FRAS1: variants seen among roughly 807,000 people sequenced by gnomAD.
FRAS1 encodes extracellular matrix organizing protein FRAS1.
Under a neutral mutation model 435.2 loss-of-function variants are expected in FRAS1, and 290 were observed. The ratio of observed to expected loss-of-function variants is 0.67; its 90% CI spans 0.61 to 0.73. The LOEUF is 0.73. Ranked by LOEUF, FRAS1 falls within the 30% of genes least tolerant of loss-of-function variation. The pLI is 0.00. For missense variants in FRAS1, 4,860 were observed against 5,001.5 expected, an observed-to-expected ratio of 0.97 and a Z score of 0.85; for synonymous variants, 1,800 against 1,851.0, an observed-to-expected ratio of 0.97 and a Z score of 0.71.
chr4:78,272,693 T>C (rs922995780), intron 9 of FRAS1, among the ~76,000 whole-genome samples: 5 of 152,154 alleles, frequency 3.3e-5, no homozygotes, highest in African/African-American at 1.2e-4. Context: ...GTACCAGTAC[T>C]ATGCTGTTTT....
At chr4:78,260,499 CTGTT>C (rs1486465184) in intron 6 of FRAS1, among the ~76,000 whole-genome samples, 1 of 151,732 alleles carries the variant, frequency 6.6e-6, no homozygotes, top group African/African-American at 2.4e-5. Flanking sequence ...ATTTGGCTCT[CTGTT>C]TGTCTGTTGT....
intron 2 of FRAS1, among the ~76,000 whole-genome samples, chr4:78,154,103 G>GTT (rs917506732): frequency 6.7e-6 from 1 of 149,404 alleles, no homozygotes; most frequent in Non-Finnish European, 1.5e-5. Flanking sequence ...GTAATTTATA[G>GTT]TTTTTTTTTT....
At chr4:78,206,935 T>G (rs1723284986) in intron 2 of FRAS1, among the ~76,000 whole-genome samples, 1 of 152,230 alleles carries the variant, frequency 6.6e-6, no homozygotes. Flanking sequence ...CAGGTGATTG[T>G]GACCTTTCTG....
intron 10 of FRAS1, among the ~76,000 whole-genome samples, chr4:78,279,949 G>A (rs1292362499): frequency 6.6e-6 from 1 of 152,008 alleles, no homozygotes; most frequent in Non-Finnish European, 1.5e-5. Flanking sequence ...GTTTTCCACC[G>A]ACACAGTTAA....
intron 35 of FRAS1, among the ~76,000 whole-genome samples, chr4:78,427,745 T>G (rs779068929): frequency 1.3e-5 from 2 of 152,258 alleles, no homozygotes; most frequent in Non-Finnish European, 2.9e-5. Flanking sequence ...GGGCTGTTTC[T>G]GAACATCTCC....
At chr4:78,412,467 G>C (rs1320221498) in intron 31 of FRAS1, among the ~76,000 whole-genome samples, 2 of 152,148 alleles carry the variant, frequency 1.3e-5, no homozygotes, top group Non-Finnish European at 2.9e-5. Context: ...ATGAGGCTGA[G>C]ATTTATTACT....
intron 58 of FRAS1, among the ~76,000 whole-genome samples, chr4:78,487,270 A>G (rs1415539526): frequency 6.6e-6 from 1 of 152,240 alleles, no homozygotes; most frequent in Non-Finnish European, 1.5e-5. Flanking sequence ...AGTAATGATT[A>G]GTAACTATTA....
intron 2 of FRAS1, among the ~76,000 whole-genome samples, chr4:78,158,018 C>T (rs1168527936): frequency 2.0e-5 from 3 of 152,058 alleles, no homozygotes; most frequent in African/African-American, 7.2e-5. Flanking sequence ...CTGTTTGGTT[C>T]CACTGATCTA....
At chr4:78,483,768 C>CTA (rs1491536432) in intron 58 of FRAS1, among the ~76,000 whole-genome samples, 473 of 6,494 alleles carry the variant, frequency 0.073, 31 homozygotes, top group Middle Eastern at 0.17. Context: ...AAAAAAAAAA[C>CTA]TCTCTCTCTC....
intron 35 of FRAS1, among the ~76,000 whole-genome samples, chr4:78,424,711 G>T (rs150403669): frequency 8.2e-4 from 125 of 152,148 alleles, no homozygotes; most frequent in African/African-American, 2.8e-3. Context: ...GAAGGCTGAT[G>T]GGGGAGCATC....
intron 26 of FRAS1, 60 bp from the exon 27 acceptor site, chr4:78,379,666 A>G: frequency 6.6e-7 from 1 of 1,511,088 alleles, no homozygotes; most frequent in South Asian, 1.2e-5. Context: ...AAATAAGGGG[A>G]AAGTGACCTA....
intron 18 of FRAS1, among the ~76,000 whole-genome samples, chr4:78,323,930 G>C (rs1729612896): frequency 6.6e-6 from 1 of 151,942 alleles, no homozygotes; most frequent in Non-Finnish European, 1.5e-5. Flanking sequence ...GACTCTCCTG[G>C]GAATCTTGTT....
chr4:78,295,412 A>G lies in FRAS1; in HGVS notation c.1534+8873A>G, dbSNP rs551237204. 1.2e-4 allele frequency among the ~76,000 whole-genome samples: 18 copies of G among 152,376 alleles called. No individual in the cohort carries two copies. In the South Asian group the frequency reaches 3.1e-3, roughly 26 times the overall value. On this transcript the variant is annotated intron_variant, in intron 14 of 73. Transcript: ENST00000512123. ...GCCAGCACTCTTGTCAACACTAGGT[A>G]TTACAAGCCTTCTTAAATTGTCAAT...
At chr4:78,137,751 G>A (rs933438691) in intron 2 of FRAS1, among the ~76,000 whole-genome samples, 2 of 152,304 alleles carry the variant, frequency 1.3e-5, no homozygotes, top group South Asian at 2.1e-4. Context: ...TTAATAGTAC[G>A]TGCTTTGGAG....
At chr4:78,445,826 A>G in intron 42 of FRAS1, 114 bp downstream of exon 42, 1 of 1,421,934 alleles carries the variant, frequency 7.0e-7, no homozygotes, top group Non-Finnish European at 9.2e-7. Context: ...GACCTTCAAA[A>G]TTGAAGGTCG....
At chr4:78,481,108 A>G (rs939673513) in intron 56 of FRAS1, among the ~76,000 whole-genome samples, 2 of 152,232 alleles carry the variant, frequency 1.3e-5, no homozygotes, top group African/African-American at 4.8e-5. Flanking sequence ...TGCATCTCAC[A>G]GCATGTTGGC....
chr4:78,479,692 CG>C lies in FRAS1; in HGVS notation c.8419del (p.Ala2807LeufsTer11). ...GCCTCGACTGTGTCCCTGGGCAACA[CG>C]GCTTTCACTGTCAGTGAGGACGCAG... The part of the protein sequence containing the change: ...NDASTVSLGN[T>X]AFTVSEDAGT... On this transcript the variant is annotated frameshift_variant, in exon 56 of 74. Transcript: ENST00000512123. LOFTEE classifies it high-confidence loss of function. 6.3e-7 allele frequency: 1 copy of C among 1,596,716 alleles called. No homozygotes were observed. Among genetic ancestry groups the C allele is most frequent in the East Asian group, 2.2e-5 (1 of 44,526 alleles).
chr4:78,475,657 G>A, intron 54 of FRAS1, 51 bp downstream of exon 54: 1 of 1,465,450 alleles, frequency 6.8e-7, no homozygotes, highest in Non-Finnish European at 9.1e-7. Context: ...CTGTGACATG[G>A]CTGCAAGCAA....
intron 18 of FRAS1, 56 bp downstream of exon 18, chr4:78,319,042 C>CTGTGAGGTGGGACCTTGAGAGATG: frequency 6.5e-7 from 1 of 1,539,252 alleles, no homozygotes; most frequent in South Asian, 1.1e-5. Context: ...CTTGAGAGAT[C>CTGTGAGGTGGGACCTTGAGAGATG]CTGTGAGGTG....
Sources: allele counts gnomAD v4.1 joint callset (sites outside exome capture counted in the v4.1 genomes callset), GRCh38; gene constraint gnomAD v4.1.1; transcripts MANE v1.5; gene names NCBI Gene and HGNC (gene_info 2026-07-23, HGNC 2026-07-21).